Variants in PCDH11X observed in about 807,000 individuals in gnomAD.
The protein encoded by PCDH11X is protocadherin 11 X-linked.
In PCDH11X, 18 loss-of-function variants were observed where a neutral mutation model predicts 53.3. That is an observed-to-expected ratio of 0.34 (90% confidence interval 0.23 to 0.50). The LOEUF is 0.50. PCDH11X is among the 20% of genes least tolerant of loss of function. The pLI, the probability that PCDH11X is intolerant of heterozygous loss-of-function variation, is 0.98. For synonymous variants in PCDH11X, 279 were observed against 393.3 expected (o/e 0.71, Z 3.44); for missense variants, 570 against 1,032.4 (o/e 0.55, Z 6.14).
chrX:92,414,611 C>CTGACACAAATATG (rs1416406586), intron 9 of PCDH11X, among the ~76,000 whole-genome samples: 26 of 107,548 alleles, frequency 2.4e-4, no homozygotes, highest in African/African-American at 8.8e-4. Context: ...TTATGTGATC[C>CTGACACAAATATG]TGACACAAAT....
intron 6 of PCDH11X, among the ~76,000 whole-genome samples, chrX:91,966,617 C>T (rs1475902446): frequency 9.1e-6 from 1 of 109,693 alleles, no homozygotes; most frequent in Non-Finnish European, 1.9e-5. Context: ...GCACGTTGTG[C>T]ACATGTACCC....
At chrX:92,506,127 A>G (rs897031775) in intron 10 of PCDH11X, among the ~76,000 whole-genome samples, 2 of 109,695 alleles carry the variant, frequency 1.8e-5, no homozygotes, top group African/African-American at 6.6e-5. Flanking sequence ...GTTTGAATTA[A>G]TGTTTGGATA....
chrX:92,282,235 AAGTT>A (rs1316341828), intron 8 of PCDH11X, among the ~76,000 whole-genome samples: 1 of 111,548 alleles, frequency 9.0e-6, no homozygotes, highest in Admixed American at 9.6e-5. Flanking sequence ...ATAAATGACT[AAGTT>A]AGATATTTAT....
rs371849143 is a variant in PCDH11X at position 91,893,670 on chromosome X, T to G, written c.3033+14397T>G. Among the ~76,000 whole-genome samples the G allele has an allele frequency of 5.3e-4, 59 of 111,031 alleles. No homozygotes were observed. The East Asian group carries it at 6.8e-3, about 13-fold the overall frequency. On this transcript the variant is annotated intron_variant, in intron 6 of 10. Coordinates refer to ENST00000682573, the MANE Select transcript of PCDH11X (RefSeq NM_032968.5). ...TTCACCCCAAATAGAAATCATTGTG[T>G]CTCTCCGCCCCTCTGCTGAAAATCA...
Position 92,208,193 on chromosome X carries a change from TAAA to T in PCDH11X, c.3114+6761_3114+6763del, listed in dbSNP as rs66614821. Reference sequence around the variant, plus strand: ...CTGGGTGATAGAGTGAGACTCCATCTAAAAAAAAAAAAAAAAAAAAAAAAACTT... The same window carrying T: ...CTGGGTGATAGAGTGAGACTCCATCTAAAAAAAAAAAAAAAAAAAAAACTT... On this transcript the variant is annotated intron_variant, in intron 7 of 10. Coordinates refer to ENST00000682573, the MANE Select transcript of PCDH11X (RefSeq NM_032968.5). Among the ~76,000 whole-genome samples the T allele has an allele frequency of 2.6e-3, 218 of 85,279 alleles. 1 individual carries two copies. Among genetic ancestry groups the T allele is most frequent in the African/African-American group, 8.4e-3 (194 of 23,184 alleles). The allele number at this position is 85,279 out of a possible 115,157, so 74.1% of individuals were successfully genotyped here.
intron 10 of PCDH11X, among the ~76,000 whole-genome samples, chrX:92,536,653 C>T (rs1178854277): frequency 3.2e-4 from 16 of 49,832 alleles, no homozygotes; most frequent in African/African-American, 9.8e-4. Flanking sequence ...GGATAAAAGC[C>T]TTTTTTTTTT....
At chrX:91,846,962 C>T (rs1310267196) in intron 5 of PCDH11X, among the ~76,000 whole-genome samples, 1 of 111,719 alleles carries the variant, frequency 9.0e-6, no homozygotes, top group Non-Finnish European at 1.9e-5. Context: ...TTGCAGTTAT[C>T]AGTCGGTGCT....
chrX:92,368,014 T>C (rs1295591913), intron 8 of PCDH11X, among the ~76,000 whole-genome samples: 1 of 102,608 alleles, frequency 9.7e-6, no homozygotes, highest in Non-Finnish European at 2.0e-5. Context: ...GTGTTCTCTG[T>C]AGTTCCTGAA....
At chrX:92,107,619 C>A (rs2064413201) in intron 6 of PCDH11X, among the ~76,000 whole-genome samples, 1 of 112,443 alleles carries the variant, frequency 8.9e-6, no homozygotes, top group South Asian at 3.7e-4. Flanking sequence ...TGCCTGTAAT[C>A]CCTGCTACTC....
At chrX:92,556,758 C>T (rs933299430) in intron 10 of PCDH11X, among the ~76,000 whole-genome samples, 12 of 107,019 alleles carry the variant, frequency 1.1e-4, no homozygotes, top group Non-Finnish European at 1.9e-4. Context: ...TAGGCAGTGC[C>T]CCAAAGGGGA....
chrX:92,011,340 A>G (rs1273373056), intron 6 of PCDH11X, among the ~76,000 whole-genome samples: 2 of 112,176 alleles, frequency 1.8e-5, no homozygotes, highest in Non-Finnish European at 3.8e-5. Context: ...ATTTCCACCA[A>G]CAGCCTATAA....
At chrX:92,355,910 A>C (rs1450717978) in intron 8 of PCDH11X, among the ~76,000 whole-genome samples, 1 of 110,144 alleles carries the variant, frequency 9.1e-6, no homozygotes, top group Admixed American at 9.8e-5. Context: ...TCATATAATC[A>C]TTGCAAATTC....
intron 6 of PCDH11X, among the ~76,000 whole-genome samples, chrX:91,888,771 TTAAG>T (rs1940347368): frequency 9.0e-6 from 1 of 111,728 alleles, no homozygotes; most frequent in Non-Finnish European, 1.9e-5. Context: ...AGAGAAAAGT[TTAAG>T]TAATACGGCT....
At chrX:92,254,253 G>A (rs755186514) in intron 7 of PCDH11X, among the ~76,000 whole-genome samples, 3 of 111,335 alleles carry the variant, frequency 2.7e-5, no homozygotes, top group East Asian at 5.7e-4. Context: ...TTGGAGACTA[G>A]GATTGCAACC....
chrX:92,295,393 C>T (rs1384781237), intron 8 of PCDH11X, among the ~76,000 whole-genome samples: 7 of 110,736 alleles, frequency 6.3e-5, no homozygotes, highest in Admixed American at 3.8e-4. Flanking sequence ...TTCGTAGATT[C>T]CTTAGAATAT....
chrX:91,983,426 A>G (rs2062176106), intron 6 of PCDH11X: 3 of 733,977 alleles, frequency 4.1e-6, no homozygotes, highest in Non-Finnish European at 2.1e-6. Context: ...ATCAAGCATT[A>G]TTAAGCCAAA....
intron 10 of PCDH11X, among the ~76,000 whole-genome samples, chrX:92,564,122 A>G (rs1348724874): frequency 2.7e-5 from 3 of 111,236 alleles, no homozygotes; most frequent in African/African-American, 9.8e-5. Flanking sequence ...TGAAGAGGAC[A>G]CCAAAAAATG....
intron 6 of PCDH11X, among the ~76,000 whole-genome samples, chrX:91,909,756 A>T (rs1941311063): frequency 9.1e-6 from 1 of 110,325 alleles, no homozygotes; most frequent in African/African-American, 3.3e-5. Flanking sequence ...ATATTAAATT[A>T]TTGAGTTGTC....
chrX:92,572,262 C>T (rs1922303076), intron 10 of PCDH11X, among the ~76,000 whole-genome samples: 1 of 111,039 alleles, frequency 9.0e-6, no homozygotes, highest in Non-Finnish European at 1.9e-5. Flanking sequence ...GAGTTGAGAG[C>T]AGTTCTTAGT....
Sources: gnomAD v4.1 joint callset for allele counts (sites outside exome capture counted in the v4.1 genomes callset) on GRCh38, gnomAD v4.1.1 for gene constraint, MANE v1.5 for transcripts, NCBI Gene and HGNC (gene_info 2026-07-23, HGNC 2026-07-21) for gene names.